PACC1: variants seen among roughly 807,000 people sequenced by gnomAD.
The protein encoded by PACC1 is proton-activated chloride channel.
PACC1 carries 34 observed loss-of-function variants against 39.7 expected under a neutral mutation model. The ratio of observed to expected loss-of-function variants is 0.86; its 90% CI spans 0.65 to 1.14. The LOEUF is 1.14. PACC1 is among the 50% of genes most tolerant of loss of function. The pLI is 0.00. For missense variants in PACC1, 379 were observed against 436.4 expected (o/e 0.87, Z 1.17); for synonymous variants, 127 against 160.6 (o/e 0.79, Z 1.58).
chr1:212,377,700 G>A lies in PACC1; in HGVS notation c.645C>T (p.Asn215=), dbSNP rs1660718489. ...CACAGGCCTGCATGAAGCCTACCCT[G>A]TTTGGGCTTGGAGGAAGGAAGGAGA... is the stretch of plus-strand genomic sequence containing the variant. The part of the protein sequence containing the change: ...SSFQEFLQSP[N]RVGFMQACES... The change falls in exon 6 of 8, where the codon AAC becomes AAT. Residue 215 remains asparagine (N), a synonymous_variant. Coordinates refer to ENST00000261455, the MANE Select transcript of PACC1 (RefSeq NM_018252.3). 1 of 1,613,816 alleles carries A rather than the reference G, an allele frequency of 6.2e-7. No homozygotes were observed. The highest frequency in any genetic ancestry group is 8.5e-7 in the Non-Finnish European group (1 of 1,179,918).
intron 2 of PACC1, among the ~76,000 whole-genome samples, chr1:212,399,322 TGA>T (rs1383702292): frequency 4.1e-5 from 6 of 147,302 alleles, no homozygotes; most frequent in African/African-American, 1.0e-4. Flanking sequence ...ACAATCAGAA[TGA>T]GAGAGTCTTA....
chr1:212,378,404 T>C (rs1302250534), intron 5 of PACC1, among the ~76,000 whole-genome samples: 4 of 151,952 alleles, frequency 2.6e-5, no homozygotes, highest in Admixed American at 6.6e-5. Context: ...GGGTGGAAAA[T>C]GCTAAGGCAG....
intron 2 of PACC1, among the ~76,000 whole-genome samples, chr1:212,396,830 ATC>A (rs1661543195): frequency 6.7e-6 from 1 of 149,220 alleles, no homozygotes; most frequent in Non-Finnish European, 1.5e-5. Context: ...CTATCTATCT[ATC>A]TATCTATCTA....
chr1:212,372,811 T>C (rs1660507661), intron 7 of PACC1, among the ~76,000 whole-genome samples: 1 of 151,500 alleles, frequency 6.6e-6, no homozygotes, highest in Non-Finnish European at 1.5e-5. Flanking sequence ...ACCAAAGAAG[T>C]AAAAAAATCG....
chr1:212,365,303 T>TC lies in PACC1; in HGVS notation c.964dup (p.Glu322GlyfsTer14). On this transcript the variant is annotated frameshift_variant, in exon 8 of 8. Transcript: ENST00000261455. LOFTEE classifies it high-confidence loss of function. ...CCATTTTATACTCAGTTTGGCAAAC[T>TC]CTGCTGCTTTAAATAATGCCAAGAA... The TC allele has an allele frequency of 6.2e-7, 1 of 1,614,032 alleles. No homozygotes were observed. The highest frequency in any genetic ancestry group is 8.5e-7 in the Non-Finnish European group (1 of 1,180,016).
At chr1:212,413,711 G>C (rs1198135557) in intron 1 of PACC1, among the ~76,000 whole-genome samples, 1 of 152,204 alleles carries the variant, frequency 6.6e-6, no homozygotes, top group Non-Finnish European at 1.5e-5. Context: ...AGCCTGCTGA[G>C]AAGTCTGGAC....
intron 4 of PACC1, among the ~76,000 whole-genome samples, chr1:212,382,842 C>G (rs1255059811): frequency 1.3e-5 from 2 of 152,220 alleles, no homozygotes; most frequent in Admixed American, 1.3e-4. Context: ...AAGGCAGAAG[C>G]TCCCAGGGGA....
In PACC1 at chr1:212,402,258, T is replaced by C. The variant is rs751871011; in HGVS notation, c.133+8167A>G. On this transcript the variant is annotated intron_variant, in intron 2 of 7. Transcript: ENST00000261455. ...CTGTCAGACTATTTTCCACAGCAGC[T>C]GCACCATTTTACATTCCTATCAGCA... Among the ~76,000 whole-genome samples the C allele has an allele frequency of 3.3e-5, 5 of 152,366 alleles. No individual in the cohort carries two copies. The East Asian group carries it at 7.7e-4, about 23-fold the overall frequency.
chr1:212,407,335 C>T lies in PACC1; in HGVS notation c.133+3090G>A, dbSNP rs146539049. The stretch of plus-strand genomic sequence containing the variant: ...AGCTAGAAAAGGCAAAGACCAAGTT[C>T]TCTCCTCAAGCCCCTAGAAAGGAAT... On this transcript the variant is annotated intron_variant, in intron 2 of 7. Coordinates refer to ENST00000261455, the MANE Select transcript of PACC1 (RefSeq NM_018252.3). Among the ~76,000 whole-genome samples the T allele has an allele frequency of 1.3e-3, 197 of 152,328 alleles. 1 individual carries two copies. In the East Asian group the frequency reaches 0.021, roughly 16 times the overall value.
In PACC1 at chr1:212,365,063, G is replaced by T; in HGVS notation, c.*152C>A. On this transcript the variant is annotated 3_prime_UTR_variant, in exon 8 of 8. Coordinates refer to ENST00000261455, the MANE Select transcript of PACC1 (RefSeq NM_018252.3). ...GGCTCTACACCGCCTCTTTTGGGAC[G>T]GGGTTAGAAGTTCCAGTTTTACATG... 4.9e-6 allele frequency: 3 copies of T among 614,648 alleles called. No homozygotes were observed. The highest frequency in any genetic ancestry group is 7.9e-6 in the Non-Finnish European group (3 of 381,958). The allele number at this position is 614,648 out of a possible 1,614,324, so 38.1% of individuals were successfully genotyped here. A position where few individuals can be genotyped will look rare whatever the true frequency, so the allele number is the denominator to read the frequency against.
chr1:212,375,933 A>G (rs1363808104), intron 6 of PACC1, among the ~76,000 whole-genome samples: 3 of 152,214 alleles, frequency 2.0e-5, no homozygotes, highest in Non-Finnish European at 4.4e-5. Context: ...CTACCATGTA[A>G]GACTCACAAT....
chr1:212,404,257 C>T (rs1484360448), intron 2 of PACC1, among the ~76,000 whole-genome samples: 1 of 152,084 alleles, frequency 6.6e-6, no homozygotes, highest in Non-Finnish European at 1.5e-5. Context: ...CAGGTACCCA[C>T]CACCACTCCT....
rs1189603478 is a variant in PACC1, at chr1:212,371,241, C to CAAA, written c.891+3949_891+3951dup. The stretch of plus-strand genomic sequence containing the variant: ...CTTGTGATAGAGCAAGACTCCATTT[C>CAAA]AAAAAAAAAAAAAAAAAAGAAAGAA... On this transcript the variant is annotated intron_variant, in intron 7 of 7. Transcript: ENST00000261455. 1.0e-3 allele frequency among the ~76,000 whole-genome samples: 93 copies of CAAA among 88,718 alleles called. 1 individual carries two copies. Among genetic ancestry groups the CAAA allele is most frequent in the Admixed American group, 1.9e-3 (16 of 8,348 alleles). 58.2% of individuals were successfully genotyped at this position (88,718 alleles called of 152,430 possible). A position where few individuals can be genotyped will look rare whatever the true frequency, so the allele number is the denominator to read the frequency against.
At chr1:212,406,168 C>A (rs1476218741) in intron 2 of PACC1, among the ~76,000 whole-genome samples, 2 of 144,920 alleles carry the variant, frequency 1.4e-5, no homozygotes, top group Non-Finnish European at 3.0e-5. Context: ...CATGAAAGCA[C>A]CCCCAAAATG....
chr1:212,390,561 G>T (rs1051388887), intron 2 of PACC1, among the ~76,000 whole-genome samples: 29 of 152,028 alleles, frequency 1.9e-4, no homozygotes. Context: ...GAGGTACTGG[G>T]TTCGTATCAC....
At chr1:212,392,039 A>G (rs1661341684) in intron 2 of PACC1, among the ~76,000 whole-genome samples, 1 of 152,238 alleles carries the variant, frequency 6.6e-6, no homozygotes, top group Non-Finnish European at 1.5e-5. Context: ...ATCCAGGAGA[A>G]CTTCCCCAAC....
chr1:212,405,878 G>A (rs1215954764), intron 2 of PACC1, among the ~76,000 whole-genome samples: 2 of 152,078 alleles, frequency 1.3e-5, no homozygotes, highest in Non-Finnish European at 2.9e-5. Context: ...GCAATGGCTT[G>A]CACCTGTGAT....
chr1:212,400,735 T>G (rs1385348476), intron 2 of PACC1, among the ~76,000 whole-genome samples: 1 of 152,232 alleles, frequency 6.6e-6, no homozygotes, highest in Non-Finnish European at 1.5e-5. Flanking sequence ...TATCATCCTT[T>G]AAATGAATGC....
intron 2 of PACC1, among the ~76,000 whole-genome samples, chr1:212,407,433 T>C (rs1661957728): frequency 1.3e-5 from 2 of 152,240 alleles, no homozygotes; most frequent in African/African-American, 4.8e-5. Context: ...AACTATAAGA[T>C]AATAAATTTG....
Sources: gnomAD v4.1 joint callset for allele counts (sites outside exome capture counted in the v4.1 genomes callset) on GRCh38, gnomAD v4.1.1 for gene constraint, MANE v1.5 for transcripts, NCBI Gene and HGNC (gene_info 2026-07-23, HGNC 2026-07-21) for gene names.